Variants in ZNF362 observed in about 807,000 individuals in gnomAD.
The protein encoded by ZNF362 is rotund homolog.
ZNF362 carries 11 observed loss-of-function variants against 42.9 expected under a neutral mutation model. That is an observed-to-expected ratio of 0.26 (90% confidence interval 0.16 to 0.42). ZNF362 has a LOEUF of 0.42. ZNF362 is among the 20% of genes least tolerant of loss of function. ZNF362 has a pLI of 1.00. For missense variants in ZNF362, 362 were observed against 576.2 expected, an observed-to-expected ratio of 0.63 and a Z score of 3.81; for synonymous variants, 255 against 257.3, an observed-to-expected ratio of 0.99 and a Z score of 0.09.
Position 33,299,048 on chromosome 1 carries a change from C to T in ZNF362, c.*2C>T. ...CCGGTGCGAATCTCTCTCATCTGAG[C>T]CCACTGGAGGCGCCGCCCCACCCGG... On this transcript the variant is annotated 3_prime_UTR_variant, in exon 9 of 9. Transcript: ENST00000539719. The T allele has an allele frequency of 1.9e-6, 3 of 1,605,876 alleles. No homozygotes were observed. The highest frequency in any genetic ancestry group is 2.2e-5 in the East Asian group (1 of 44,866).
At chr1:33,199,370 A>T in the ZNF362 span, among the ~76,000 whole-genome samples, 1 of 152,174 alleles carries the variant, frequency 6.6e-6, no homozygotes, top group African/African-American at 2.4e-5. Context: ...GTGGAACAAC[A>T]TCTTTAAAGT....
chr1:33,159,037 G>A, the ZNF362 span, among the ~76,000 whole-genome samples: 1 of 151,840 alleles, frequency 6.6e-6, no homozygotes, highest in African/African-American at 2.4e-5. The surrounding 1 kb of genome is among the most constrained non-coding windows in gnomAD (Gnocchi z 4.2). Context: ...TAGAGACGGG[G>A]TTTCACCATG....
At chr1:33,133,080 G>T in the ZNF362 span, among the ~76,000 whole-genome samples, 1 of 152,254 alleles carries the variant, frequency 6.6e-6, no homozygotes. Flanking sequence ...GGCCCAGTGG[G>T]TCAGGAGAGA....
At chr1:33,174,903 G>GTA in the ZNF362 span, among the ~76,000 whole-genome samples, 1,640 of 141,020 alleles carry the variant, frequency 0.012, 31 homozygotes, top group East Asian at 0.071. Context: ...ATGTGTGTGT[G>GTA]TGTATATATA....
the ZNF362 span, among the ~76,000 whole-genome samples, chr1:33,234,053 C>A: frequency 6.6e-6 from 1 of 152,146 alleles, no homozygotes; most frequent in Non-Finnish European, 1.5e-5. Flanking sequence ...TATTCCTGTA[C>A]TTGAAGCACT....
chr1:33,136,116 TTCC>T, the ZNF362 span, among the ~76,000 whole-genome samples: 344 of 30,678 alleles, frequency 0.011, 2 homozygotes, highest in African/African-American at 0.035. Flanking sequence ...GGGCCAGCCC[TTCC>T]TTCCTTCCTT....
At chr1:33,201,552 A>G in the ZNF362 span, among the ~76,000 whole-genome samples, 1 of 152,236 alleles carries the variant, frequency 6.6e-6, no homozygotes, top group Non-Finnish European at 1.5e-5. Context: ...CATGGGCTAA[A>G]GAAGAAATCA....
At chr1:33,225,457 T>G in the ZNF362 span, among the ~76,000 whole-genome samples, 8 of 152,302 alleles carry the variant, frequency 5.3e-5, no homozygotes, top group African/African-American at 1.7e-4. Context: ...TTAAAATAAC[T>G]ACAGCTCTTT....
At chr1:33,217,939 T>C in the ZNF362 span, among the ~76,000 whole-genome samples, 2 of 152,200 alleles carry the variant, frequency 1.3e-5, no homozygotes, top group Non-Finnish European at 2.9e-5. Flanking sequence ...TTTGATTACA[T>C]ACTCACATAC....
chr1:33,281,469 T>C lies in ZNF362; in HGVS notation c.684-118T>C, dbSNP rs958311336. On this transcript the variant is annotated intron_variant, in intron 5 of 8. Coordinates refer to ENST00000539719, the MANE Select transcript of ZNF362 (RefSeq NM_152493.3). This position sits in a 1 kb window ranked among gnomAD's most constrained non-coding sequence, Gnocchi z 4.8. ...TCTTTCCCAGGTGGTCCTGTGCTTC[T>C]TGGGCTCATCACAGGAAAGACCTGT... 2.1e-6 allele frequency: 2 copies of C among 947,042 alleles called. No homozygotes were observed. The highest frequency in any genetic ancestry group is 3.3e-6 in the Non-Finnish European group (2 of 613,910). 58.7% of individuals were successfully genotyped at this position (947,042 alleles called of 1,614,324 possible). A position where few individuals can be genotyped will look rare whatever the true frequency, so the allele number is the denominator to read the frequency against.
At chr1:33,181,182 A>G in the ZNF362 span, 1 of 1,595,182 alleles carries the variant, frequency 6.3e-7, no homozygotes, top group South Asian at 1.1e-5. The surrounding 1 kb of genome is among the most constrained non-coding windows in gnomAD (Gnocchi z 6.5). Flanking sequence ...GCGCGCGTTG[A>G]GGATGGCGTC....
the ZNF362 span, among the ~76,000 whole-genome samples, chr1:33,169,992 G>A: frequency 6.6e-6 from 1 of 152,246 alleles, no homozygotes; most frequent in South Asian, 2.1e-4. Flanking sequence ...GTACCCTGAT[G>A]GCACACACTG....
chr1:33,144,595 A>G, the ZNF362 span, among the ~76,000 whole-genome samples: 1 of 152,268 alleles, frequency 6.6e-6, no homozygotes, highest in South Asian at 2.1e-4. Context: ...TATAGTACTC[A>G]GTAAGACTTC....
chr1:33,199,844 T>C, the ZNF362 span: 1 of 152,146 alleles, frequency 6.6e-6, no homozygotes, highest in Non-Finnish European at 1.5e-5. Flanking sequence ...GGAAACCCCA[T>C]CTCTACTAAA....
At chr1:33,298,199 C>A (rs1022536399) in intron 8 of ZNF362, among the ~76,000 whole-genome samples, 1 of 152,098 alleles carries the variant, frequency 6.6e-6, no homozygotes, top group Admixed American at 6.6e-5. Flanking sequence ...TCCAGCAGAG[C>A]CAGTGGAGGA....
At chr1:33,230,679 A>G in the ZNF362 span, among the ~76,000 whole-genome samples, 1 of 152,174 alleles carries the variant, frequency 6.6e-6, no homozygotes, top group African/African-American at 2.4e-5. Context: ...GCGGCTTGTG[A>G]TTGGTTATAC....
the ZNF362 span, chr1:33,158,298 G>A: frequency 3.7e-6 from 6 of 1,614,016 alleles, no homozygotes; most frequent in Non-Finnish European, 3.4e-6. Flanking sequence ...GTGTACTGCA[G>A]GGGGCCTGTG....
chr1:33,231,165 T>C, the ZNF362 span, among the ~76,000 whole-genome samples: 2 of 152,220 alleles, frequency 1.3e-5, no homozygotes. Context: ...GGCTCCATTT[T>C]ACAGATAGGG....
intron 4 of ZNF362, among the ~76,000 whole-genome samples, chr1:33,278,272 G>C (rs975150699): frequency 1.3e-5 from 2 of 152,014 alleles, no homozygotes; most frequent in African/African-American, 2.4e-5. Flanking sequence ...TGTGTGTTTT[G>C]CTGAGCTTGT....
Sources: gnomAD v4.1 joint callset for allele counts (sites outside exome capture counted in the v4.1 genomes callset) on GRCh38, gnomAD v4.1.1 for gene constraint, Gnocchi (gnomAD v3.1) non-coding constraint, MANE v1.5 for transcripts, NCBI Gene and HGNC (gene_info 2026-07-23, HGNC 2026-07-21) for gene names.